The following PLXNA4 variants were observed in gnomAD, a reference collection of about 807,000 sequenced individuals.
The protein encoded by PLXNA4 is plexin A4.
A neutral mutation model predicts 191.8 loss-of-function variants in PLXNA4; 44 were observed. That is an observed-to-expected ratio of 0.23 (90% CI 0.18 to 0.29). The LOEUF is 0.29. PLXNA4 is among the 10% of genes least tolerant of loss of function. The pLI is 1.00. For missense variants in PLXNA4, 1,800 were observed against 2,488.8 expected (o/e 0.72, Z 5.89); for synonymous variants, 1,082 against 1,009.5 (o/e 1.07, Z -1.36).
Position 132,228,995 on chromosome 7 carries a change from T to C in PLXNA4, c.1605-526A>G, listed in dbSNP as rs1798431468. ...CTAGGCAAAGTGAAGAGCTTCCTCC[T>C]ATGATCTCATAGCACCTCGGAGTCT... On this transcript the variant is annotated intron_variant, in intron 5 of 31. Coordinates refer to ENST00000321063, the MANE Select transcript of PLXNA4 (RefSeq NM_020911.2). 9.2e-5 allele frequency among the ~76,000 whole-genome samples: 14 copies of C among 152,184 alleles called. No individual in the cohort carries two copies. The South Asian group carries it at 2.9e-3, about 32-fold the overall frequency.
At chr7:132,404,026 A>G (rs1001935195) in intron 3 of PLXNA4, among the ~76,000 whole-genome samples, 1 of 152,120 alleles carries the variant, frequency 6.6e-6, no homozygotes, top group African/African-American at 2.4e-5. Flanking sequence ...GGGAGCAGAT[A>G]TTCACCTGGG....
chr7:132,154,518 C>A (rs1361267120), intron 25 of PLXNA4, among the ~76,000 whole-genome samples: 6 of 151,726 alleles, frequency 4.0e-5, no homozygotes. Context: ...GGTACTAGAT[C>A]TTTGTAAACT....
chr7:132,260,675 T>TA (rs1265701695), intron 4 of PLXNA4, among the ~76,000 whole-genome samples: 3,977 of 141,766 alleles, frequency 0.028, 176 homozygotes, highest in African/African-American at 0.095. Flanking sequence ...AAATAAAAAT[T>TA]AAAAAAAAAA....
At position 132,450,974 on chromosome 7, in the gene PLXNA4, C is replaced by T. The variant is rs572293875; in HGVS notation, c.1371+38318G>A. ...AGGAGCCCAGAAAGATGATTCAAGT[C>T]AGAGAATAATTCCAGGTCACCCTCT... is the stretch of plus-strand genomic sequence containing the variant. On this transcript the variant is annotated intron_variant, in intron 3 of 31. Coordinates refer to ENST00000321063, the MANE Select transcript of PLXNA4 (RefSeq NM_020911.2). 3.9e-5 allele frequency among the ~76,000 whole-genome samples: 6 copies of T among 152,312 alleles called. No homozygotes were observed. In the East Asian group the frequency reaches 1.2e-3, roughly 29 times the overall value.
At chr7:132,336,023 G>T (rs942822972) in intron 3 of PLXNA4, among the ~76,000 whole-genome samples, 2 of 152,184 alleles carry the variant, frequency 1.3e-5, no homozygotes, top group African/African-American at 2.4e-5. Flanking sequence ...GAAAGAAGTT[G>T]CCAGAACTTA....
intron 3 of PLXNA4, chr7:132,384,717 C>T: frequency 9.7e-7 from 1 of 1,032,586 alleles, no homozygotes; most frequent in Non-Finnish European, 1.2e-6. Context: ...CCTGTGTATG[C>T]ACACACACCT....
chr7:132,144,852 T>A (rs1347966199), intron 29 of PLXNA4, among the ~76,000 whole-genome samples: 2 of 152,294 alleles, frequency 1.3e-5, no homozygotes, highest in East Asian at 3.9e-4. Flanking sequence ...CTTCAGCTGG[T>A]TCAATAAATG....
intron 3 of PLXNA4, among the ~76,000 whole-genome samples, chr7:132,323,668 T>C (rs1235766595): frequency 1.3e-5 from 2 of 152,210 alleles, no homozygotes; most frequent in Admixed American, 1.3e-4. Flanking sequence ...TCCAGGCCAC[T>C]ATAATGTCGA....
intron 4 of PLXNA4, among the ~76,000 whole-genome samples, chr7:132,295,100 T>C (rs1801028568): frequency 6.6e-6 from 1 of 152,246 alleles, no homozygotes. Context: ...AGTTTGAACT[T>C]TGTAATAAAC....
At chr7:132,272,427 G>A (rs142872151) in intron 4 of PLXNA4, among the ~76,000 whole-genome samples, 3 of 152,098 alleles carry the variant, frequency 2.0e-5, no homozygotes, top group Non-Finnish European at 4.4e-5. Context: ...CCTGGCAGTG[G>A]ATCACAAAAA....
At chr7:132,603,720 T>C (rs957763402) in intron 2 of PLXNA4, among the ~76,000 whole-genome samples, 5 of 152,160 alleles carry the variant, frequency 3.3e-5, no homozygotes, top group Non-Finnish European at 1.5e-5. Context: ...GAGTCAGATA[T>C]TGGACTTCAA....
intron 24 of PLXNA4, among the ~76,000 whole-genome samples, chr7:132,162,418 G>A (rs995573963): frequency 2.0e-5 from 3 of 152,192 alleles, no homozygotes; most frequent in Non-Finnish European, 4.4e-5. Flanking sequence ...TGCGGCACCT[G>A]AAATCAGCTC....
Position 132,508,339 on chromosome 7 carries a change from G to A in PLXNA4, c.355C>T (p.Leu119Phe). Reference protein sequence around the residue: ...TTTNNVNKMLLIDYKENRLIA... With the variant: ...TTTNNVNKMLFIDYKENRLIA... ...AGCCTGTTCTCCTTGTAGTCTATGA[G>A]GAGCATCTTGTTGACATTGTTGGTG... is the stretch of plus-strand genomic sequence containing the variant. The change falls in exon 2 of 32, where the codon CTC (leucine) becomes TTC (phenylalanine). Residue 119 changes from leucine (L) to phenylalanine (F), a missense_variant. Leu to Phe is a conservative substitution (Grantham distance 22, BLOSUM62 0). This residue lies in a region of PLXNA4 where 1,397 missense variants were observed against 1,880.4 expected (regional missense o/e 0.74). Transcript: ENST00000321063. The surrounding 1 kb of genome is among the most constrained non-coding windows in gnomAD (Gnocchi z 4.4). 6.2e-7 allele frequency: 1 copy of A among 1,614,208 alleles called. No homozygotes were observed. The highest frequency in any genetic ancestry group is 1.1e-5 in the South Asian group (1 of 91,084).
At chr7:132,309,938 C>T (rs924916867) in intron 3 of PLXNA4, among the ~76,000 whole-genome samples, 2 of 152,180 alleles carry the variant, frequency 1.3e-5, no homozygotes, top group Non-Finnish European at 2.9e-5. Context: ...GCTTCACCTC[C>T]CTCTCCCTTC....
chr7:132,296,991 T>G (rs1200323532), intron 4 of PLXNA4, among the ~76,000 whole-genome samples: 4 of 151,928 alleles, frequency 2.6e-5, no homozygotes, highest in Non-Finnish European at 5.9e-5. Flanking sequence ...GGAGAAGATG[T>G]CATCGAGCTC....
At chr7:132,440,764 T>C (rs759168142) in intron 3 of PLXNA4, among the ~76,000 whole-genome samples, 1 of 152,204 alleles carries the variant, frequency 6.6e-6, no homozygotes, top group East Asian at 1.9e-4. Context: ...GCTGCTGTTA[T>C]GGGATTTTTG....
At chr7:132,613,709 C>A (rs975407331) in intron 2 of PLXNA4, among the ~76,000 whole-genome samples, 4 of 152,112 alleles carry the variant, frequency 2.6e-5, no homozygotes, top group Non-Finnish European at 4.4e-5. Context: ...GTCAGTTATA[C>A]GCATTTGTTG....
chr7:132,534,149 G>T (rs769655852), intron 1 of PLXNA4, among the ~76,000 whole-genome samples: 18 of 152,102 alleles, frequency 1.2e-4, no homozygotes, highest in Non-Finnish European at 2.5e-4. Context: ...AAAGAGGAGA[G>T]GGGAACAGGA....
intron 3 of PLXNA4, among the ~76,000 whole-genome samples, chr7:132,387,859 G>A (rs998346576): frequency 1.3e-5 from 2 of 152,156 alleles, no homozygotes; most frequent in East Asian, 3.9e-4. Flanking sequence ...GCCCTCAGCC[G>A]GAACCATGTT....
Sources: gnomAD v4.1 joint callset for allele counts (sites outside exome capture counted in the v4.1 genomes callset) on GRCh38, gnomAD v4.1.1 for gene constraint, gnomAD v4.1.1 regional missense constraint, Gnocchi (gnomAD v3.1) non-coding constraint, MANE v1.5 for transcripts, NCBI Gene and HGNC (gene_info 2026-07-23, HGNC 2026-07-21) for gene names.